The following SMAD3 variants were observed in gnomAD, a reference collection of about 807,000 sequenced individuals.
The protein encoded by SMAD3 is MAD homolog 3.
In SMAD3, 12 loss-of-function variants were observed where a neutral mutation model predicts 51.8. The observed-to-expected ratio is 0.23, with a 90% CI of 0.15 to 0.38. The LOEUF is 0.38. SMAD3 is among the 10% of genes least tolerant of loss of function. The probability of loss-of-function intolerance (pLI) is 1.00; values close to 1 mark genes in which losing one functional copy is unlikely to be tolerated. For missense variants in SMAD3, 294 were observed against 565.6 expected, an observed-to-expected ratio of 0.52 and a Z score of 4.87; for synonymous variants, 238 against 227.7, an observed-to-expected ratio of 1.05 and a Z score of -0.41.
intron 1 of SMAD3, among the ~76,000 whole-genome samples, chr15:67,087,339 T>TG (rs1186080946): frequency 1.3e-5 from 2 of 152,116 alleles, no homozygotes; most frequent in East Asian, 1.9e-4. Flanking sequence ...TGTCTGCAAG[T>TG]GGGGGGGTGT....
intron 1 of SMAD3, among the ~76,000 whole-genome samples, chr15:67,124,613 G>A (rs575685640): frequency 6.6e-6 from 1 of 152,340 alleles, no homozygotes; most frequent in South Asian, 2.1e-4. Flanking sequence ...TCATTACCAC[G>A]TCACACAGCT....
At chr15:67,082,155 G>T (rs1482581438) in intron 1 of SMAD3, among the ~76,000 whole-genome samples, 2 of 152,014 alleles carry the variant, frequency 1.3e-5, no homozygotes, top group Non-Finnish European at 2.9e-5. Context: ...TGCTATAATT[G>T]TGTTTGGAGT....
At chr15:67,070,992 G>A (rs774050726) in intron 1 of SMAD3, among the ~76,000 whole-genome samples, 15 of 152,210 alleles carry the variant, frequency 9.9e-5, no homozygotes, top group Non-Finnish European at 1.6e-4. Flanking sequence ...TCAGTCCTTC[G>A]TTGAGAACAT....
intron 1 of SMAD3, among the ~76,000 whole-genome samples, chr15:67,163,212 G>A (rs975656878): frequency 6.6e-5 from 10 of 152,072 alleles, no homozygotes; most frequent in African/African-American, 1.4e-4. Flanking sequence ...GGCCTCAAGC[G>A]ATCCACCCGC....
chr15:67,135,940 C>T (rs1961649197), intron 1 of SMAD3, among the ~76,000 whole-genome samples: 1 of 152,166 alleles, frequency 6.6e-6, no homozygotes. Context: ...CCTGTTACTC[C>T]AACCCCTTCC....
intron 1 of SMAD3, among the ~76,000 whole-genome samples, chr15:67,160,805 A>C (rs1316243013): frequency 1.7e-5 from 2 of 119,830 alleles, no homozygotes; most frequent in African/African-American, 6.4e-5. Flanking sequence ...AAAAAAAAAA[A>C]AAAAAAAGAA....
chr15:67,170,502 T>C, intron 4 of SMAD3, 52 bp from the exon 5 acceptor site: 4 of 1,492,734 alleles, frequency 2.7e-6, no homozygotes, highest in Non-Finnish European at 3.7e-6. Flanking sequence ...GTAACTTGGC[T>C]CTCCAGGCCA....
chr15:67,092,950 C>T (rs984780562), intron 1 of SMAD3, among the ~76,000 whole-genome samples: 1 of 152,170 alleles, frequency 6.6e-6, no homozygotes, highest in African/African-American at 2.4e-5. Flanking sequence ...ATGCCCATCC[C>T]TGAGTTGTGT....
intron 1 of SMAD3, chr15:67,138,350 C>G (rs910868943): frequency 8.5e-6 from 4 of 469,872 alleles, no homozygotes; most frequent in East Asian, 7.3e-5. Context: ...CTGAACCCCC[C>G]CTCCCCCGGC....
intron 1 of SMAD3, among the ~76,000 whole-genome samples, chr15:67,105,539 T>G (rs1459170517): frequency 3.3e-5 from 5 of 152,234 alleles, no homozygotes; most frequent in Non-Finnish European, 7.3e-5. Flanking sequence ...GAATTGTGGC[T>G]CTAGCTGTGG....
intron 1 of SMAD3, among the ~76,000 whole-genome samples, chr15:67,160,104 C>G (rs541092455): frequency 1.3e-5 from 2 of 152,172 alleles, no homozygotes; most frequent in Non-Finnish European, 2.9e-5. Flanking sequence ...CCCAATTACC[C>G]AGATTTGATC....
rs1358904167 is a variant in SMAD3 at position 67,193,509 on chromosome 15, G to GT, written c.*2976dup. 5 of 233,698 alleles carry GT rather than the reference G, an allele frequency of 2.1e-5. No individual in the cohort carries two copies. Among genetic ancestry groups the GT allele is most frequent in the Non-Finnish European group, 4.2e-5 (5 of 118,060 alleles). 14.5% of individuals were successfully genotyped at this position (233,698 alleles called of 1,614,324 possible). A position where few individuals can be genotyped will look rare whatever the true frequency, so the allele number is the denominator to read the frequency against. On this transcript the variant is annotated 3_prime_UTR_variant, in exon 9 of 9. Coordinates refer to ENST00000327367, the MANE Select transcript of SMAD3 (RefSeq NM_005902.4). ...CATACGTAGGTAGCTACCCCAGCCG[G>GT]TTTGGATTACAGGCCTGTGCTGGAA...
chr15:67,145,725 A>C (rs1364502245), intron 1 of SMAD3, among the ~76,000 whole-genome samples: 1 of 152,178 alleles, frequency 6.6e-6, no homozygotes, highest in East Asian at 1.9e-4. Flanking sequence ...ACCAATGAGG[A>C]AATGGGCCCC....
chr15:67,119,859 C>T (rs1252631907), intron 1 of SMAD3, among the ~76,000 whole-genome samples: 3 of 152,040 alleles, frequency 2.0e-5, no homozygotes, highest in Admixed American at 6.5e-5. Context: ...TGCAGTGGTG[C>T]GATCACAGCT....
chr15:67,086,894 C>CTT (rs35917837), intron 1 of SMAD3, among the ~76,000 whole-genome samples: 3 of 138,448 alleles, frequency 2.2e-5, no homozygotes, highest in Non-Finnish European at 1.5e-5. Context: ...ATATCTTCTC[C>CTT]TTTTTTTTTT....
At chr15:67,108,835 A>C (rs559235393) in intron 1 of SMAD3, among the ~76,000 whole-genome samples, 1 of 152,182 alleles carries the variant, frequency 6.6e-6, no homozygotes, top group East Asian at 1.9e-4. Context: ...TGAAAATGAC[A>C]GTTGTGCTCT....
intron 1 of SMAD3, among the ~76,000 whole-genome samples, chr15:67,111,978 G>A (rs1961024071): frequency 6.6e-6 from 1 of 151,486 alleles, no homozygotes; most frequent in African/African-American, 2.4e-5. Context: ...AGTAGAGACA[G>A]GGTTTCACCA....
rs1302427969 is a variant in SMAD3, at chr15:67,191,950, AAG to A, written c.*1417_*1418del. 1 of 228,890 alleles carries A rather than the reference AAG, an allele frequency of 4.4e-6. No homozygotes were observed. The allele number at this position is 228,890 out of a possible 1,614,324, so 14.2% of individuals were successfully genotyped here. ...ATTATTTCAACTGGAAAAAAGAAAA[AAG>A]AGTCCTCTTCTTTTCCCAGCCTTTT... On this transcript the variant is annotated 3_prime_UTR_variant, in exon 9 of 9. Coordinates refer to ENST00000327367, the MANE Select transcript of SMAD3 (RefSeq NM_005902.4).
intron 1 of SMAD3, among the ~76,000 whole-genome samples, chr15:67,115,853 A>T (rs970431008): frequency 6.6e-6 from 1 of 152,204 alleles, no homozygotes; most frequent in African/African-American, 2.4e-5. Context: ...GCCTGATTCC[A>T]TTTGAGCAAG....
Sources: gnomAD v4.1 joint callset for allele counts (sites outside exome capture counted in the v4.1 genomes callset) on GRCh38, gnomAD v4.1.1 for gene constraint, MANE v1.5 for transcripts, NCBI Gene and HGNC (gene_info 2026-07-23, HGNC 2026-07-21) for gene names.